The following ASTN2 variants were observed in gnomAD, a reference collection of about 807,000 sequenced individuals.
The protein encoded by ASTN2 is astrotactin 2.
A neutral mutation model predicts 139.8 loss-of-function variants in ASTN2; 54 were observed. The ratio of observed to expected loss-of-function variants is 0.39; its 90% CI spans 0.31 to 0.48. The LOEUF is 0.48. Among genes scored for constraint, ASTN2 ranks in the 20% least tolerant of loss-of-function variants. The pLI, the probability that ASTN2 is intolerant of heterozygous loss-of-function variation, is 0.95. For synonymous variants in ASTN2, 756 were observed against 719.5 expected, an observed-to-expected ratio of 1.05 and a Z score of -0.81; for missense variants, 1,565 against 1,725.1, an observed-to-expected ratio of 0.91 and a Z score of 1.64.
chr9:116,905,866 T>TTGGG (rs1564333913), intron 10 of ASTN2, among the ~76,000 whole-genome samples: 17 of 32,610 alleles, frequency 5.2e-4, no homozygotes, highest in African/African-American at 6.3e-4. Flanking sequence ...TTTTTTTTTT[T>TTGGG]GGGGGGGGGT....
rs116341496 is a variant in ASTN2, at chr9:116,897,642, C to T, written c.1890-33909G>A. Among the ~76,000 whole-genome samples the T allele has an allele frequency of 3.2e-3, 486 of 152,158 alleles. 7 individuals carry two copies. Among genetic ancestry groups the T allele is most frequent in the African/African-American group, 0.011 (461 of 41,512 alleles). ...TGGCATATTCATATGCCGGAATGTT[C>T]TCCTGCACTTAAAAGGAACGAACTG... On this transcript the variant is annotated intron_variant, in intron 10 of 22. Coordinates refer to ENST00000313400, the MANE Select transcript of ASTN2 (RefSeq NM_001365068.1).
chr9:116,538,472 G>A (rs1851740603), intron 19 of ASTN2, among the ~76,000 whole-genome samples: 1 of 152,138 alleles, frequency 6.6e-6, no homozygotes, highest in African/African-American at 2.4e-5. Context: ...TTCTTCAGGT[G>A]ATTCTCATAC....
intron 16 of ASTN2, among the ~76,000 whole-genome samples, chr9:116,670,929 G>T (rs1859158149): frequency 6.6e-6 from 1 of 151,956 alleles, no homozygotes; most frequent in Non-Finnish European, 1.5e-5. Context: ...TTAAAATAAA[G>T]CTTCAAAATT....
chr9:116,615,027 GA>G (rs1203765366), intron 19 of ASTN2, among the ~76,000 whole-genome samples: 1 of 151,936 alleles, frequency 6.6e-6, no homozygotes, highest in African/African-American at 2.4e-5. Context: ...AAATTTAGAA[GA>G]AAAAAATCAA....
intron 5 of ASTN2, among the ~76,000 whole-genome samples, chr9:117,068,801 TG>T (rs1275019286): frequency 5.9e-5 from 8 of 135,064 alleles, no homozygotes; most frequent in African/African-American, 2.1e-4. Flanking sequence ...TGCGTACAGG[TG>T]TTTGTAGTAT....
chr9:117,104,248 A>G (rs1386506918), intron 4 of ASTN2, among the ~76,000 whole-genome samples: 5 of 152,256 alleles, frequency 3.3e-5, no homozygotes, highest in African/African-American at 1.2e-4. Context: ...AGAATAAGAA[A>G]TAACTGAGAG....
chr9:117,354,404 A>G (rs1253925473), intron 1 of ASTN2, among the ~76,000 whole-genome samples: 1 of 151,992 alleles, frequency 6.6e-6, no homozygotes, highest in African/African-American at 2.4e-5. Context: ...GGCTTTGCAT[A>G]TGCTAGTCAC....
chr9:116,719,800 T>G (rs1440593836), intron 16 of ASTN2, among the ~76,000 whole-genome samples: 1 of 151,406 alleles, frequency 6.6e-6, no homozygotes, highest in Admixed American at 6.6e-5. Flanking sequence ...AGAGGGGAAG[T>G]AGAAAATCAT....
chr9:117,310,082 C>T (rs72764142), intron 1 of ASTN2, among the ~76,000 whole-genome samples: 12,241 of 152,152 alleles, frequency 0.08, 657 homozygotes, highest in South Asian at 0.12. Flanking sequence ...ACTGTCTTCC[C>T]TTCTCTGAGC....
intron 19 of ASTN2, among the ~76,000 whole-genome samples, chr9:116,507,113 A>G (rs1587902071): frequency 6.6e-6 from 1 of 152,286 alleles, no homozygotes. Context: ...AGATACTGTG[A>G]AGCTGGCATT....
chr9:117,335,403 A>C (rs960252734), intron 1 of ASTN2, among the ~76,000 whole-genome samples: 4 of 152,214 alleles, frequency 2.6e-5, no homozygotes, highest in Non-Finnish European at 4.4e-5. Context: ...CAATACAAAC[A>C]TCTCCATGTT....
chr9:116,610,155 A>G (rs1187262697), intron 19 of ASTN2, among the ~76,000 whole-genome samples: 3 of 152,222 alleles, frequency 2.0e-5, no homozygotes, highest in African/African-American at 7.2e-5. Flanking sequence ...ACAAAGAAAC[A>G]AACAAATATC....
intron 19 of ASTN2, chr9:116,546,410 C>T (rs761225707): frequency 2.0e-5 from 3 of 152,174 alleles, no homozygotes; most frequent in Non-Finnish European, 2.9e-5. Context: ...TGTAAGCTGA[C>T]TTGCCCAATG....
intron 16 of ASTN2, among the ~76,000 whole-genome samples, chr9:116,672,862 G>A (rs1201083554): frequency 1.3e-5 from 2 of 152,126 alleles, no homozygotes; most frequent in Non-Finnish European, 2.9e-5. Flanking sequence ...CTAGATAATG[G>A]TGTCCTTAAT....
intron 14 of ASTN2, among the ~76,000 whole-genome samples, chr9:116,730,627 G>A (rs983967417): frequency 6.6e-6 from 1 of 152,152 alleles, no homozygotes; most frequent in Non-Finnish European, 1.5e-5. Flanking sequence ...AGACACCAGG[G>A]ACAAGGCAGT....
intron 19 of ASTN2, chr9:116,611,305 A>C (rs1052450557): frequency 2.0e-5 from 3 of 152,200 alleles, no homozygotes; most frequent in Non-Finnish European, 1.5e-5. Flanking sequence ...GAATGACTAC[A>C]TTACAAGAAA....
chr9:116,858,119 G>GA (rs1294899104), intron 11 of ASTN2, among the ~76,000 whole-genome samples: 1 of 152,110 alleles, frequency 6.6e-6, no homozygotes, highest in African/African-American at 2.4e-5. Context: ...GGTAATAAAG[G>GA]AACCCTTCTG....
intron 5 of ASTN2, among the ~76,000 whole-genome samples, chr9:117,051,071 T>C (rs893772160): frequency 1.4e-4 from 21 of 152,158 alleles, no homozygotes; most frequent in African/African-American, 5.1e-4. Flanking sequence ...TCTCATATAT[T>C]TTCTGTTCTA....
At chr9:117,082,997 C>T (rs1430414630) in intron 5 of ASTN2, among the ~76,000 whole-genome samples, 1 of 152,030 alleles carries the variant, frequency 6.6e-6, no homozygotes, top group Non-Finnish European at 1.5e-5. Flanking sequence ...TACATTAGTT[C>T]CTCTTTTCTT....
Sources: allele counts gnomAD v4.1 joint callset (sites outside exome capture counted in the v4.1 genomes callset), GRCh38; gene constraint gnomAD v4.1.1; transcripts MANE v1.5; gene names NCBI Gene and HGNC (gene_info 2026-07-23, HGNC 2026-07-21).